AIRE: variants seen among roughly 807,000 people sequenced by gnomAD.
AIRE encodes autoimmune regulator, also known as autoimmune polyendocrinopathy candidiasis ectodermal dystrophy protein.
Under a neutral mutation model 62.1 loss-of-function variants are expected in AIRE, and 52 were observed. The ratio of observed to expected loss-of-function variants is 0.84; its 90% confidence interval spans 0.67 to 1.06. The LOEUF is 1.06. Among genes scored for constraint, AIRE ranks in the 50% least tolerant of loss-of-function variants. The pLI is 0.00. For synonymous variants in AIRE, 342 were observed against 321.6 expected, an observed-to-expected ratio of 1.06 and a Z score of -0.68; for missense variants, 774 against 755.8, an observed-to-expected ratio of 1.02 and a Z score of -0.28.
Position 44,297,812 on chromosome 21 carries a change from G to C in AIRE, c.*85G>C. 1 of 1,305,394 alleles carries C rather than the reference G, an allele frequency of 7.7e-7. No individual in the cohort carries two copies. The highest frequency in any genetic ancestry group is 1.1e-6 in the Non-Finnish European group (1 of 922,858). The allele number at this position is 1,305,394 out of a possible 1,614,324, so 80.9% of individuals were successfully genotyped here. ...CTCAGTCCTGGAAGCCGGCCGGCTG[G>C]GATCAAGAAGGGGACAGCGCCACCT... On this transcript the variant is annotated 3_prime_UTR_variant, in exon 14 of 14. Transcript: ENST00000291582. This position sits in a 1 kb window ranked among gnomAD's most constrained non-coding sequence, Gnocchi z 4.8.
intron 10 of AIRE, 69 bp from the exon 11 acceptor site, chr21:44,293,720 G>A (rs1366489805): frequency 6.3e-7 from 1 of 1,590,778 alleles, no homozygotes; most frequent in South Asian, 1.1e-5. Context: ...GAGCGCACAG[G>A]GCTCGGGTTC....
chr21:44,294,614 G>A lies in AIRE; in HGVS notation c.1503+111G>A, dbSNP rs112195627. The A allele has an allele frequency of 5.6e-3, 2,843 of 506,906 alleles. 51 individuals carry two copies. The highest frequency in any genetic ancestry group is 0.047 in the African/African-American group (2,373 of 50,916). 31.4% of individuals were successfully genotyped at this position (506,906 alleles called of 1,614,324 possible). The stretch of plus-strand genomic sequence containing the variant: ...CAGACCCTGGGTGCCAGCTTCGAGG[G>A]CTTGCACCAGACGCACTGACCATGT... On this transcript the variant is annotated intron_variant, in intron 12 of 13. Transcript: ENST00000291582.
At position 44,293,344 on chromosome 21, in the gene AIRE, G is replaced by A. The variant is rs377211200; in HGVS notation, c.1278+169G>A. Among the ~76,000 whole-genome samples, 124 of 151,964 alleles carry A rather than the reference G, an allele frequency of 8.2e-4. No individual in the cohort carries two copies. The Middle Eastern group carries it at 0.02, about 25-fold the overall frequency. On this transcript the variant is annotated intron_variant, in intron 10 of 13. Transcript: ENST00000291582. ...TGGGGGGCTGCGGGGGGAAGGGGAC[G>A]CTCCTAGACCTCCACTCCAGCTCCT...
chr21:44,287,741 C>A lies in AIRE; in HGVS notation c.538+150C>A. ...CATTCCAAGGGCCTAAGCTGCACCA[C>A]CAGACCCAGGAAGGGGACACCTTGG... On this transcript the variant is annotated intron_variant, in intron 4 of 13. Transcript: ENST00000291582. This position sits in a 1 kb window ranked among gnomAD's most constrained non-coding sequence, Gnocchi z 4.3. 1.2e-6 allele frequency: 1 copy of A among 856,442 alleles called. No individual in the cohort carries two copies. Among genetic ancestry groups the A allele is most frequent in the South Asian group, 1.5e-5 (1 of 67,734 alleles). 53.1% of individuals were successfully genotyped at this position (856,442 alleles called of 1,614,324 possible). A position where few individuals can be genotyped will look rare whatever the true frequency, so the allele number is the denominator to read the frequency against.
Position 44,286,773 on chromosome 21 carries a change from G to A in AIRE, c.307+42G>A. The A allele has an allele frequency of 6.2e-7, 1 of 1,607,324 alleles. No homozygotes were observed. Reference sequence around the variant, plus strand: ...TCAGCCATGCTGGGGGCCTGGGGCAGCTGCTGTCACCTGCTCAGCCCAGCT... The same window carrying A: ...TCAGCCATGCTGGGGGCCTGGGGCAACTGCTGTCACCTGCTCAGCCCAGCT... On this transcript the variant is annotated intron_variant, in intron 2 of 13. Transcript: ENST00000291582. The surrounding 1 kb of genome is among the most constrained non-coding windows in gnomAD (Gnocchi z 6.0).
rs74203920 is a variant in AIRE at position 44,294,411 on chromosome 21, C to T, written c.1411C>T (p.Arg471Cys). Residue 471 changes from arginine to cysteine, a missense_variant, in exon 12 of 14, where the codon CGC becomes TGC. Arg to Cys is a radical substitution (Grantham distance 180). Transcript: ENST00000291582. ...AGTSRPGTGL[R>C]CRSCSGDVTP... Reference sequence around the variant, plus strand: ...CATCCTCTGCTGCAGGACGGGCCTGCGCTGCAGATCCTGCTCAGGAGACGT... The same window carrying T: ...CATCCTCTGCTGCAGGACGGGCCTGTGCTGCAGATCCTGCTCAGGAGACGT... The T allele has an allele frequency of 0.013, 20,106 of 1,574,200 alleles. 175 individuals carry two copies. The highest frequency in any genetic ancestry group is 0.015 in the Non-Finnish European group (17,084 of 1,167,690).
Position 44,298,184 on chromosome 21 carries a change from C to A in AIRE, c.*457C>A. ...CATAACATAAATTTATCATCTCGAC[C>A]ACTTTTCAGTTCAGTGGCATTCACA... On this transcript the variant is annotated 3_prime_UTR_variant, in exon 14 of 14. Transcript: ENST00000291582. 4.1e-6 allele frequency: 1 copy of A among 245,106 alleles called. No homozygotes were observed. Among genetic ancestry groups the A allele is most frequent in the Non-Finnish European group, 8.2e-6 (1 of 121,680 alleles). 15.2% of individuals were successfully genotyped at this position (245,106 alleles called of 1,614,324 possible). A position where few individuals can be genotyped will look rare whatever the true frequency, so the allele number is the denominator to read the frequency against.
rs2146384820 is a variant in AIRE at position 44,293,919 on chromosome 21, G to A, written c.1400+9G>A. On this transcript the variant is annotated intron_variant, in intron 11 of 13. Coordinates refer to ENST00000291582, the MANE Select transcript of AIRE (RefSeq NM_000383.4). ...GGCACCTCCCGGCCCGGGTGAGTGA[G>A]CGTGGTCGGCGGGGAGGCCTGAACC... The A allele has an allele frequency of 1.3e-6, 2 of 1,596,140 alleles. No individual in the cohort carries two copies. Among genetic ancestry groups the A allele is most frequent in the Non-Finnish European group, 1.7e-6 (2 of 1,179,370 alleles).
rs747117623 is a variant in AIRE, at chr21:44,296,343, G to A, written c.1504-40G>A. On this transcript the variant is annotated intron_variant, in intron 12 of 13. Coordinates refer to ENST00000291582, the MANE Select transcript of AIRE (RefSeq NM_000383.4). ...CGGCCTCTGTACCCCCACCAGGGCTGTGGGAGTTGGGCTGACCTCTTCTCT... is the reference window on the plus strand; with the variant it reads ...CGGCCTCTGTACCCCCACCAGGGCTATGGGAGTTGGGCTGACCTCTTCTCT... The A allele has an allele frequency of 1.9e-6, 3 of 1,581,182 alleles. No homozygotes were observed. In the African/African-American group the frequency reaches 4.1e-5, roughly 21 times the overall value.
At chr21:44,296,713 T>C (rs1360811725) in intron 13 of AIRE, among the ~76,000 whole-genome samples, 2 of 30,470 alleles carry the variant, frequency 6.6e-5, no homozygotes, top group Non-Finnish European at 1.2e-4. Context: ...CCCCAGCCCC[T>C]CCCCAACAAG....
intron 13 of AIRE, 81 bp downstream of exon 13, chr21:44,296,526 G>A: frequency 1.5e-6 from 2 of 1,365,000 alleles, no homozygotes; most frequent in Non-Finnish European, 2.1e-6. Flanking sequence ...CCACTCTGGG[G>A]GAGGACTGCC....
intron 8 of AIRE, 78 bp downstream of exon 8, chr21:44,291,288 C>T: frequency 3.2e-6 from 5 of 1,549,420 alleles, no homozygotes; most frequent in Non-Finnish European, 4.4e-6. Flanking sequence ...TGAAGGGAAG[C>T]CACCCCAAGC....
At chr21:44,295,253 C>T (rs2040594008) in intron 12 of AIRE, among the ~76,000 whole-genome samples, 1 of 152,208 alleles carries the variant, frequency 6.6e-6, no homozygotes, top group Non-Finnish European at 1.5e-5. Flanking sequence ...CCGTATACAC[C>T]GTGTGGGTGA....
chr21:44,293,892 C>A lies in AIRE; in HGVS notation c.1382C>A (p.Ala461Asp). The change falls in exon 11 of 14, where the codon GCC (alanine) becomes GAC (aspartate). Residue 461 changes from alanine to aspartate, a missense_variant. Transcript: ENST00000291582. ...AAFHWRCHFP[A>D]GTSRPGTGLR... ...TTCCACTGGCGCTGCCACTTCCCAG[C>A]CGGCACCTCCCGGCCCGGGTGAGTG... The A allele has an allele frequency of 1.3e-6, 2 of 1,596,722 alleles. No homozygotes were observed. The highest frequency in any genetic ancestry group is 1.7e-6 in the Non-Finnish European group (2 of 1,179,506).
intron 8 of AIRE, 94 bp from the exon 9 acceptor site, chr21:44,292,208 C>A: frequency 2.0e-6 from 2 of 1,002,538 alleles, no homozygotes; most frequent in East Asian, 2.6e-5. Flanking sequence ...TGTGAAAAGA[C>A]ATGGTCGGAG....
At chr21:44,292,456 C>CTAGGAGGGGGCGTGG in intron 9 of AIRE, 55 bp downstream of exon 9, 1 of 1,271,024 alleles carries the variant, frequency 7.9e-7, no homozygotes, top group Non-Finnish European at 1.1e-6. Flanking sequence ...ATGGCCACGC[C>CTAGGAGGGGGCGTGG]CCCTCCTAGG....
At chr21:44,295,164 G>C (rs750738695) in intron 12 of AIRE, among the ~76,000 whole-genome samples, 4 of 152,194 alleles carry the variant, frequency 2.6e-5, no homozygotes, top group Admixed American at 6.5e-5. Context: ...GGCCACCGAG[G>C]AGCCTTTAGG....
intron 7 of AIRE, chr21:44,290,828 G>A (rs543275794): frequency 1.2e-5 from 18 of 1,564,566 alleles, no homozygotes; most frequent in South Asian, 5.6e-5. Context: ...GTACAGTTCC[G>A]GGGCCCCTGG....
At chr21:44,290,509 T>C in intron 7 of AIRE, 1 of 920,586 alleles carries the variant, frequency 1.1e-6, no homozygotes, top group Non-Finnish European at 1.3e-6. Context: ...AGGGGCTCTG[T>C]GGGGCCCTGG....
Sources: gnomAD v4.1 joint callset for allele counts (sites outside exome capture counted in the v4.1 genomes callset) on GRCh38, gnomAD v4.1.1 for gene constraint, Gnocchi (gnomAD v3.1) non-coding constraint, MANE v1.5 for transcripts, NCBI Gene and HGNC (gene_info 2026-07-23, HGNC 2026-07-21) for gene names.